Variants in ADGRV1 observed in about 807,000 individuals in gnomAD.
ADGRV1 encodes the protein adhesion G protein-coupled receptor V1, also known as G-protein coupled receptor 98.
In ADGRV1, 359 loss-of-function variants were observed where a neutral mutation model predicts 596.2. The observed-to-expected ratio is 0.60, with a 90% CI of 0.55 to 0.66. The LOEUF is 0.66. Ranked by LOEUF, ADGRV1 falls within the 30% of genes least tolerant of loss-of-function variation. The pLI is 0.00. For synonymous variants in ADGRV1, 2,681 were observed against 2,679.2 expected (o/e 1.00, Z -0.02); for missense variants, 7,274 against 7,575.6 (o/e 0.96, Z 1.48).
At chr5:90,928,337 A>G (rs1774751651) in intron 83 of ADGRV1, among the ~76,000 whole-genome samples, 1 of 151,714 alleles carries the variant, frequency 6.6e-6, no homozygotes, top group African/African-American at 2.4e-5. Flanking sequence ...GTTTCTTTTT[A>G]TTCTTTTTTC....
chr5:90,910,415 A>G (rs1239995539), intron 83 of ADGRV1, among the ~76,000 whole-genome samples: 1 of 152,192 alleles, frequency 6.6e-6, no homozygotes, highest in African/African-American at 2.4e-5. Context: ...CTTTGAGATA[A>G]TGCACATTGT....
At chr5:90,625,566 G>T (rs1230985800) in intron 6 of ADGRV1, 3 of 177,944 alleles carry the variant, frequency 1.7e-5, no homozygotes, top group African/African-American at 2.4e-5. Flanking sequence ...TAAAAGCAAA[G>T]AAAAATTCTA....
chr5:91,146,774 AC>A (rs1795565847), intron 87 of ADGRV1, among the ~76,000 whole-genome samples: 1 of 152,250 alleles, frequency 6.6e-6, no homozygotes, highest in Admixed American at 6.5e-5. Flanking sequence ...GCTTTCTAAA[AC>A]AAAATGTACA....
intron 53 of ADGRV1, 45 bp from the exon 54 acceptor site, chr5:90,753,529 T>C: frequency 7.1e-7 from 1 of 1,410,972 alleles, no homozygotes; most frequent in Middle Eastern, 1.8e-4. Flanking sequence ...TACTACATAG[T>C]GACAATTACA....
chr5:90,687,513 A>G (rs1470398871), intron 29 of ADGRV1, among the ~76,000 whole-genome samples: 2 of 152,092 alleles, frequency 1.3e-5, no homozygotes, highest in Non-Finnish European at 2.9e-5. Flanking sequence ...CTCTCTCACC[A>G]CTCGTATTCA....
chr5:90,981,262 AT>A (rs2151031745), intron 84 of ADGRV1, among the ~76,000 whole-genome samples: 1 of 152,266 alleles, frequency 6.6e-6, no homozygotes, highest in South Asian at 2.1e-4. Context: ...GAGAAGATAC[AT>A]TTTTTGAGGC....
chr5:90,944,617 G>A (rs1326722114), intron 83 of ADGRV1, among the ~76,000 whole-genome samples: 1 of 152,112 alleles, frequency 6.6e-6, no homozygotes, highest in African/African-American at 2.4e-5. Flanking sequence ...GCTCAGACTG[G>A]CTGGTACCCA....
intron 75 of ADGRV1, among the ~76,000 whole-genome samples, chr5:90,817,790 AGT>A (rs1763051058): frequency 6.6e-6 from 1 of 152,036 alleles, no homozygotes; most frequent in Admixed American, 6.6e-5. Context: ...TTTTGGTACC[AGT>A]ACCATGCTGT....
At chr5:90,812,746 A>T (rs1200224146) in intron 74 of ADGRV1, among the ~76,000 whole-genome samples, 2 of 152,110 alleles carry the variant, frequency 1.3e-5, no homozygotes, top group Non-Finnish European at 2.9e-5. Context: ...TCTACAGTTT[A>T]TGAAGTGTGT....
At chr5:90,601,231 C>A (rs1761367644) in intron 1 of ADGRV1, among the ~76,000 whole-genome samples, 1 of 150,830 alleles carries the variant, frequency 6.6e-6, no homozygotes, top group Non-Finnish European at 1.5e-5. Flanking sequence ...GAGTGAAACT[C>A]CATCTCAAAA....
intron 34 of ADGRV1, among the ~76,000 whole-genome samples, chr5:90,703,021 G>A (rs1748105117): frequency 6.6e-6 from 1 of 151,864 alleles, no homozygotes; most frequent in Non-Finnish European, 1.5e-5. Flanking sequence ...CTTCACTTTT[G>A]TGAAGTATTA....
intron 1 of ADGRV1, among the ~76,000 whole-genome samples, chr5:90,597,037 C>G (rs1029622891): frequency 5.9e-5 from 9 of 152,260 alleles, no homozygotes; most frequent in Middle Eastern, 3.4e-3. Context: ...GGACACAGGA[C>G]AGAGGCAGAG....
chr5:90,616,189 C>A (rs551965207), intron 2 of ADGRV1, among the ~76,000 whole-genome samples: 1 of 151,944 alleles, frequency 6.6e-6, no homozygotes, highest in Non-Finnish European at 1.5e-5. Context: ...TAGAAATTGA[C>A]TAAAATTTCC....
intron 1 of ADGRV1, among the ~76,000 whole-genome samples, chr5:90,567,823 T>C (rs1045240768): frequency 1.1e-4 from 17 of 151,714 alleles, no homozygotes; most frequent in Admixed American, 2.6e-4. Flanking sequence ...CACTGCAACC[T>C]CCGCCTCCTG....
chr5:90,729,473 A>G (rs1752248073), intron 49 of ADGRV1, among the ~76,000 whole-genome samples, 169 bp from the exon 50 acceptor site: 1 of 152,242 alleles, frequency 6.6e-6, no homozygotes, highest in Non-Finnish European at 1.5e-5. Flanking sequence ...CATGCAGTAA[A>G]TGCAAAAAGA....
chr5:90,993,724 G>T (rs1781166872), intron 85 of ADGRV1, among the ~76,000 whole-genome samples: 1 of 151,874 alleles, frequency 6.6e-6, no homozygotes, highest in African/African-American at 2.4e-5. Context: ...ATCTAGGTGT[G>T]GGTCTCTCGG....
At position 90,743,664 on chromosome 5, in the gene ADGRV1, G is replaced by C. The variant is rs10452488; in HGVS notation, c.10550-1382G>C. 5.5e-3 allele frequency among the ~76,000 whole-genome samples: 828 copies of C among 151,618 alleles called. 9 individuals carry two copies. Among genetic ancestry groups the C allele is most frequent in the African/African-American group, 0.019 (794 of 41,324 alleles). On this transcript the variant is annotated intron_variant, in intron 50 of 89. Coordinates refer to ENST00000405460, the MANE Select transcript of ADGRV1 (RefSeq NM_032119.4). ...TTTTTTGTATTTTTAGTAGAAACAG[G>C]GTTTCACCATGTTAGCCAGGATGGT...
chr5:90,697,246 T>G, intron 34 of ADGRV1, 100 bp downstream of exon 34: 4 of 1,080,900 alleles, frequency 3.7e-6, no homozygotes, highest in Non-Finnish European at 5.4e-6. Flanking sequence ...TTTCATTATT[T>G]TGTTGAACTG....
chr5:90,964,784 A>T (rs539160139), intron 83 of ADGRV1, among the ~76,000 whole-genome samples: 199 of 146,998 alleles, frequency 1.4e-3, no homozygotes, highest in South Asian at 2.0e-3. Flanking sequence ...TGTGCTGGTT[A>T]AAAAAGAGAG....
Sources: gnomAD v4.1 joint callset for allele counts (sites outside exome capture counted in the v4.1 genomes callset) on GRCh38, gnomAD v4.1.1 for gene constraint, MANE v1.5 for transcripts, NCBI Gene and HGNC (gene_info 2026-07-23, HGNC 2026-07-21) for gene names.